Variants in CDH23 observed in about 807,000 individuals in gnomAD.
CDH23 encodes cadherin related 23.
A neutral mutation model predicts 317.1 loss-of-function variants in CDH23; 189 were observed. That is an observed-to-expected ratio of 0.60 (90% confidence interval 0.53 to 0.67). CDH23 has a LOEUF of 0.67. CDH23 is among the 30% of genes least tolerant of loss of function. CDH23 has a pLI of 0.00. For synonymous variants in CDH23, 1,839 were observed against 1,876.8 expected (o/e 0.98, Z 0.52); for missense variants, 4,401 against 4,592.4 (o/e 0.96, Z 1.20).
At position 71,400,875 on chromosome 10, in the gene CDH23, C is replaced by T. The variant is rs182573048; in HGVS notation, c.-6+3557C>T. On this transcript the variant is annotated intron_variant, in intron 1 of 69. Coordinates refer to ENST00000224721, the MANE Select transcript of CDH23 (RefSeq NM_022124.6). ...TAAGTCTCACTGTTTTCTTGAACCC[C>T]CAGGTCTTAATGTGTAAAGATGATT... is the stretch of plus-strand genomic sequence containing the variant. Among the ~76,000 whole-genome samples the T allele has an allele frequency of 2.8e-3, 426 of 152,260 alleles. 3 individuals are homozygous for T. The highest frequency in any genetic ancestry group is 0.024 in the Middle Eastern group (7 of 294).
chr10:71,814,540 T>A (rs1335903390), intron 69 of CDH23, among the ~76,000 whole-genome samples: 3 of 152,196 alleles, frequency 2.0e-5, no homozygotes, highest in Non-Finnish European at 4.4e-5. Context: ...GTGCCTGTAA[T>A]CCCACCTACG....
intron 38 of CDH23, among the ~76,000 whole-genome samples, chr10:71,770,635 G>T (rs1374560662): frequency 6.6e-6 from 1 of 152,182 alleles, no homozygotes; most frequent in Non-Finnish European, 1.5e-5. Flanking sequence ...CTCGCTCACT[G>T]CCAACGGGTT....
intron 3 of CDH23, among the ~76,000 whole-genome samples, chr10:71,464,275 T>C (rs1344002034): frequency 6.6e-6 from 1 of 152,180 alleles, no homozygotes; most frequent in Non-Finnish European, 1.5e-5. Context: ...TTGCATCAGA[T>C]CTTTATGATA....
intron 38 of CDH23, chr10:71,760,887 G>A (rs1247812802): frequency 6.2e-7 from 1 of 1,613,814 alleles, no homozygotes; most frequent in Non-Finnish European, 8.5e-7. Context: ...CCTGGGAGGA[G>A]GATGGGTACA....
At chr10:71,755,344 G>A (rs776518672) in intron 38 of CDH23, 1 of 1,605,230 alleles carries the variant, frequency 6.2e-7, no homozygotes, top group African/African-American at 1.3e-5. Context: ...ACCCCAGGCA[G>A]GGAGGAATAC....
Position 71,736,986 on chromosome 10 carries a change from C to T in CDH23, c.4210-1512C>T, listed in dbSNP as rs190517773. ...GGAAGAGCATTTCGGGCAGAGGGAA[C>T]GGCAAGCACAAAAGCCCTGTGGTGT... On this transcript the variant is annotated intron_variant, in intron 34 of 69. Transcript: ENST00000224721. Among the ~76,000 whole-genome samples the T allele has an allele frequency of 3.2e-4, 49 of 152,240 alleles. No individual in the cohort carries two copies. The East Asian group carries it at 8.5e-3, about 26-fold the overall frequency.
intron 6 of CDH23, among the ~76,000 whole-genome samples, chr10:71,558,100 C>A (rs952688679): frequency 1.3e-5 from 2 of 151,986 alleles, no homozygotes; most frequent in East Asian, 1.9e-4. Flanking sequence ...TGGGTTCAAG[C>A]GTTTCTCCTG....
chr10:71,565,572 T>A (rs531717381), intron 6 of CDH23, among the ~76,000 whole-genome samples: 1 of 152,264 alleles, frequency 6.6e-6, no homozygotes, highest in African/African-American at 2.4e-5. Context: ...CCCTGGATGG[T>A]ACTGTTAATA....
At chr10:71,796,204 T>G in intron 48 of CDH23, 1 of 608,406 alleles carries the variant, frequency 1.6e-6, no homozygotes, top group Non-Finnish European at 2.1e-6. Context: ...CACTCTGGGA[T>G]GAAGCCAATG....
chr10:71,559,922 C>A (rs1013876195), intron 6 of CDH23, among the ~76,000 whole-genome samples: 2 of 152,260 alleles, frequency 1.3e-5, no homozygotes, highest in African/African-American at 4.8e-5. Flanking sequence ...GTGCCCCTCC[C>A]TGACCAGAAT....
rs78811515 is a variant in CDH23 at position 71,441,255 on chromosome 10, C to A, written c.67+1357C>A. ...ATCACCCCCCTCACCCCGCTCCCCC[C>A]CTGCCTCATGTGGGAGGCTTCAATC... is the stretch of plus-strand genomic sequence containing the variant. On this transcript the variant is annotated intron_variant, in intron 2 of 69. Coordinates refer to ENST00000224721, the MANE Select transcript of CDH23 (RefSeq NM_022124.6). Among the ~76,000 whole-genome samples the A allele has an allele frequency of 5.7e-3, 863 of 152,256 alleles. 51 individuals are homozygous for A. In the East Asian group the frequency reaches 0.14, roughly 25 times the overall value.
chr10:71,675,082 A>C, intron 14 of CDH23, 30 bp from the exon 15 acceptor site: 1 of 1,606,554 alleles, frequency 6.2e-7, no homozygotes, highest in Non-Finnish European at 8.5e-7. Flanking sequence ...TGGGCCTGGC[A>C]GTAATGACTT....
At chr10:71,684,932 C>T (rs1864813047) in intron 18 of CDH23, among the ~76,000 whole-genome samples, 2 of 152,204 alleles carry the variant, frequency 1.3e-5, no homozygotes, top group South Asian at 4.1e-4. Flanking sequence ...TTTCACATGA[C>T]CCAGCCCCTT....
At chr10:71,790,695 T>G in intron 46 of CDH23, 2 of 501,122 alleles carry the variant, frequency 4.0e-6, no homozygotes, top group Non-Finnish European at 7.2e-6. Context: ...CATCTCCCCA[T>G]GCGCAGGCCA....
Position 71,462,691 on chromosome 10 carries a change from A to G in CDH23, c.145+16296A>G, listed in dbSNP as rs142086194. Reference sequence around the variant, plus strand: ...AGATCTGTTTTGATTGTTTAGTGAAATAATAAATGTGGCCAGCACAGGGCC... The same window carrying G: ...AGATCTGTTTTGATTGTTTAGTGAAGTAATAAATGTGGCCAGCACAGGGCC... On this transcript the variant is annotated intron_variant, in intron 3 of 69. Coordinates refer to ENST00000224721, the MANE Select transcript of CDH23 (RefSeq NM_022124.6). Among the ~76,000 whole-genome samples the G allele has an allele frequency of 1.9e-4, 29 of 152,326 alleles. 1 individual carries two copies. The East Asian group carries it at 3.3e-3, about 17-fold the overall frequency.
chr10:71,777,930 A>T (rs758313973), intron 39 of CDH23, 29 bp downstream of exon 39: 15 of 1,611,318 alleles, frequency 9.3e-6, no homozygotes, highest in Non-Finnish European at 1.3e-5. Flanking sequence ...GATCAAGACA[A>T]GGGGCGAAAC....
At chr10:71,513,049 G>A (rs1854082314) in intron 6 of CDH23, among the ~76,000 whole-genome samples, 1 of 152,190 alleles carries the variant, frequency 6.6e-6, no homozygotes. Context: ...ACAAAGGGCA[G>A]GTGGATAAAG....
At chr10:71,590,873 T>TAAAAA (rs71018215) in intron 9 of CDH23, among the ~76,000 whole-genome samples, 5 of 72,312 alleles carry the variant, frequency 6.9e-5, no homozygotes, top group Admixed American at 2.5e-4. Flanking sequence ...ACCCTGTCTC[T>TAAAAA]AAAAAAAAAA....
At chr10:71,523,894 T>C (rs1464539655) in intron 6 of CDH23, among the ~76,000 whole-genome samples, 1 of 152,194 alleles carries the variant, frequency 6.6e-6, no homozygotes, top group Non-Finnish European at 1.5e-5. Flanking sequence ...TCCCCTGCTC[T>C]TCTGTATTCC....
Sources: allele counts gnomAD v4.1 joint callset (sites outside exome capture counted in the v4.1 genomes callset), GRCh38; gene constraint gnomAD v4.1.1; transcripts MANE v1.5; gene names NCBI Gene and HGNC (gene_info 2026-07-23, HGNC 2026-07-21).